The following SHANK2 variants were observed in gnomAD, a reference collection of about 807,000 sequenced individuals.
SHANK2 encodes SH3 and multiple ankyrin repeat domains protein 2.
Under a neutral mutation model 133.7 loss-of-function variants are expected in SHANK2, and 43 were observed. That is an observed-to-expected ratio of 0.32 (90% CI 0.25 to 0.41). The LOEUF (loss-of-function observed/expected upper bound fraction) is 0.41. SHANK2 is among the 10% of genes least tolerant of loss of function. The pLI is 1.00. For synonymous variants in SHANK2, 1,017 were observed against 952.8 expected, an observed-to-expected ratio of 1.07 and a Z score of -1.24; for missense variants, 1,994 against 2,235.8, an observed-to-expected ratio of 0.89 and a Z score of 2.18.
intron 1 of SHANK2, among the ~76,000 whole-genome samples, chr11:71,231,857 C>T (rs1954746253): frequency 6.6e-6 from 1 of 151,928 alleles, no homozygotes; most frequent in African/African-American, 2.4e-5. Context: ...CCACTGCACT[C>T]CAGCCTGGGT....
At chr11:70,697,780 C>T (rs1490462078) in intron 15 of SHANK2, among the ~76,000 whole-genome samples, 1 of 152,114 alleles carries the variant, frequency 6.6e-6, no homozygotes, top group African/African-American at 2.4e-5. Flanking sequence ...GCTTCCGGAC[C>T]CTCCCACCTC....
chr11:71,067,859 G>C (rs995858844), intron 9 of SHANK2, among the ~76,000 whole-genome samples: 1 of 149,560 alleles, frequency 6.7e-6, no homozygotes, highest in East Asian at 2.0e-4. Flanking sequence ...TATGACCACT[G>C]TCACCATCAC....
chr11:70,734,328 C>T (rs545885114), intron 14 of SHANK2, among the ~76,000 whole-genome samples: 4 of 152,144 alleles, frequency 2.6e-5, no homozygotes, highest in Admixed American at 6.5e-5. Flanking sequence ...AGTTAAAACC[C>T]GAGGGAGGTC....
chr11:70,584,541 G>A (rs541846186), intron 17 of SHANK2, among the ~76,000 whole-genome samples: 28 of 151,954 alleles, frequency 1.8e-4, no homozygotes, highest in African/African-American at 6.8e-4. Flanking sequence ...GCTGGGTACC[G>A]GACAGCCAGG....
chr11:70,943,101 A>G (rs1414762877), intron 10 of SHANK2: 1 of 456,554 alleles, frequency 2.2e-6, no homozygotes, highest in Non-Finnish European at 4.4e-6. Flanking sequence ...GGTGGGAAGG[A>G]GTTCACCTGG....
intron 2 of SHANK2, among the ~76,000 whole-genome samples, chr11:71,210,248 ATATATT>A (rs1237485263): frequency 7.5e-4 from 76 of 101,262 alleles, no homozygotes; most frequent in South Asian, 2.0e-3. Flanking sequence ...ATATATATAT[ATATATT>A]TATTTATTTT....
At chr11:70,872,888 G>A in intron 11 of SHANK2, 1 of 410,996 alleles carries the variant, frequency 2.4e-6, no homozygotes, top group Non-Finnish European at 5.1e-6. Context: ...ACGATGCCCT[G>A]TAGAGCCCAG....
rs370415680 is a variant in SHANK2, at chr11:70,724,351, C to A, written c.1778-25588G>T. Among the ~76,000 whole-genome samples, 154 of 152,266 alleles carry A rather than the reference C, an allele frequency of 1.0e-3. 2 individuals are homozygous for A. Among genetic ancestry groups the A allele is most frequent in the African/African-American group, 3.5e-3 (146 of 41,570 alleles). On this transcript the variant is annotated intron_variant, in intron 14 of 25. Transcript: ENST00000601538. ...GTGCCTGGCTCAAAGTTCATTCTTA[C>A]ACTTTGCTCAGTTAAGGAAGAACCA...
At chr11:70,481,574 A>AACTT (rs1207526378) in intron 25 of SHANK2, among the ~76,000 whole-genome samples, 1 of 152,242 alleles carries the variant, frequency 6.6e-6, no homozygotes, top group African/African-American at 2.4e-5. Flanking sequence ...GGGCAGTCAA[A>AACTT]ACTTGTTTCT....
At chr11:70,544,503 G>A (rs904402789) in intron 17 of SHANK2, among the ~76,000 whole-genome samples, 11 of 152,174 alleles carry the variant, frequency 7.2e-5, no homozygotes, top group Non-Finnish European at 1.3e-4. Flanking sequence ...ACTGTGGGCC[G>A]TGCAGTGTGT....
intron 9 of SHANK2, among the ~76,000 whole-genome samples, chr11:71,072,609 C>A (rs1951158079): frequency 6.6e-6 from 1 of 152,148 alleles, no homozygotes; most frequent in African/African-American, 2.4e-5. Context: ...CTGCATTATC[C>A]ACGACACTCA....
chr11:71,086,045 A>ATATGTCATATAATATATTATATAATATAT (rs1951400513), intron 8 of SHANK2, among the ~76,000 whole-genome samples: 1 of 76,178 alleles, frequency 1.3e-5, no homozygotes, highest in African/African-American at 5.7e-5. Flanking sequence ...ATATTATATA[A>ATATGTCATATAATATATTATATAATATAT]TATGTTATAT....
chr11:71,148,036 A>G (rs1439374042), intron 2 of SHANK2, among the ~76,000 whole-genome samples: 1 of 151,700 alleles, frequency 6.6e-6, no homozygotes. Context: ...ATTACCCCAC[A>G]AAGAGTCAGG....
intron 2 of SHANK2, among the ~76,000 whole-genome samples, chr11:71,148,233 C>T (rs113935879): frequency 0.037 from 5,568 of 152,264 alleles, 287 homozygotes; most frequent in African/African-American, 0.11. Context: ...TGCAGGCATG[C>T]GCCACTACAC....
chr11:70,478,073 A>G (rs1334498069), intron 25 of SHANK2, among the ~76,000 whole-genome samples: 1 of 152,208 alleles, frequency 6.6e-6, no homozygotes, highest in Non-Finnish European at 1.5e-5. Flanking sequence ...AAGGTAATTG[A>G]GACACTCAGA....
At chr11:70,795,945 T>C (rs1947900964) in intron 14 of SHANK2, among the ~76,000 whole-genome samples, 1 of 152,190 alleles carries the variant, frequency 6.6e-6, no homozygotes, top group Non-Finnish European at 1.5e-5. Context: ...TCAGCCCAGG[T>C]AGAAAATACG....
chr11:71,183,827 T>C (rs1196013673), intron 2 of SHANK2, among the ~76,000 whole-genome samples: 3 of 152,134 alleles, frequency 2.0e-5, no homozygotes, highest in Admixed American at 6.5e-5. Flanking sequence ...TGGTGGGAGA[T>C]GGTGCCTGGA....
intron 2 of SHANK2, among the ~76,000 whole-genome samples, chr11:71,149,676 G>A (rs1289192932): frequency 6.6e-6 from 1 of 151,304 alleles, no homozygotes; most frequent in Admixed American, 6.6e-5. Context: ...GGAGGGGAGG[G>A]AGGTGGATAA....
intron 17 of SHANK2, among the ~76,000 whole-genome samples, chr11:70,616,956 GTA>G (rs1554996146): frequency 6.6e-6 from 1 of 152,220 alleles, no homozygotes; most frequent in African/African-American, 2.4e-5. Flanking sequence ...TAGTGTGTGT[GTA>G]TGTGTGTGAG....
Sources: gnomAD v4.1 joint callset for allele counts (sites outside exome capture counted in the v4.1 genomes callset) on GRCh38, gnomAD v4.1.1 for gene constraint, MANE v1.5 for transcripts, NCBI Gene and HGNC (gene_info 2026-07-23, HGNC 2026-07-21) for gene names.